Variants in KLHL28 observed in about 807,000 individuals in gnomAD.
The protein encoded by KLHL28 is kelch-like protein 28.
KLHL28 carries 22 observed loss-of-function variants against 48.3 expected under a neutral mutation model. That is an observed-to-expected ratio of 0.46 (90% confidence interval 0.33 to 0.65). KLHL28 has a LOEUF of 0.65. KLHL28 is among the 30% of genes least tolerant of loss of function. KLHL28 has a pLI of 0.03. For missense variants in KLHL28, 527 were observed against 704.3 expected (o/e 0.75, Z 2.85); for synonymous variants, 243 against 242.4 (o/e 1.00, Z -0.02).
chr14:44,931,504 T>C lies in KLHL28; in HGVS notation c.1381A>G (p.Met461Val). 2 of 1,613,942 alleles carry C rather than the reference T, an allele frequency of 1.2e-6. No homozygotes were observed. Among genetic ancestry groups the C allele is most frequent in the South Asian group, 2.2e-5 (2 of 91,076 alleles). The change falls in exon 4 of 5, where the codon ATG (methionine) becomes GTG (valine). Residue 461 changes from methionine to valine, a missense_variant. Met to Val is a conservative substitution (Grantham distance 21). Transcript: ENST00000396128. ...CTTTTATCTGCCATGGATGCAACCA[T>C]CTCCCAGGAGTCCTTACTTGGATCA... ...RYDPSKDSWEMVASMADKRIH... is the reference protein window; with the variant it reads ...RYDPSKDSWEVVASMADKRIH...
At chr14:44,959,854 A>G (rs116898698) in intron 1 of KLHL28, among the ~76,000 whole-genome samples, 1 of 152,132 alleles carries the variant, frequency 6.6e-6, no homozygotes, top group African/African-American at 2.4e-5. Context: ...TACTCTCTCT[A>G]TATATGATTA....
intron 1 of KLHL28, among the ~76,000 whole-genome samples, chr14:44,951,925 G>A (rs982107510): frequency 1.3e-5 from 2 of 152,050 alleles, no homozygotes; most frequent in Non-Finnish European, 2.9e-5. Flanking sequence ...CGAGATCTTA[G>A]CTTACTCACT....
At chr14:44,956,758 C>G (rs1040623946) in intron 1 of KLHL28, among the ~76,000 whole-genome samples, 15 of 152,166 alleles carry the variant, frequency 9.9e-5, no homozygotes, top group Admixed American at 7.2e-4. Context: ...TACACACTGA[C>G]TGGATTATTA....
intron 3 of KLHL28, among the ~76,000 whole-genome samples, 165 bp downstream of exon 3, chr14:44,933,950 A>G (rs1340011429): frequency 6.6e-6 from 1 of 152,244 alleles, no homozygotes; most frequent in Non-Finnish European, 1.5e-5. Flanking sequence ...GGTTTGTATT[A>G]AATTCCCATG....
chr14:44,944,277 A>AC (rs1043516742), intron 2 of KLHL28, among the ~76,000 whole-genome samples: 1 of 152,236 alleles, frequency 6.6e-6, no homozygotes, highest in African/African-American at 2.4e-5. Context: ...AATTTAGCCC[A>AC]CTAGCTATTT....
At chr14:44,952,380 G>A (rs150924609) in intron 1 of KLHL28, among the ~76,000 whole-genome samples, 52 of 152,254 alleles carry the variant, frequency 3.4e-4, no homozygotes, top group Non-Finnish European at 5.6e-4. Context: ...AACTACATAG[G>A]GCAGTGGGGT....
chr14:44,925,162 G>C lies in KLHL28; in HGVS notation c.*3866C>G, dbSNP rs1321772335. On this transcript the variant is annotated 3_prime_UTR_variant, in exon 5 of 5. Transcript: ENST00000396128. ...ATTCCTTAACTTTTAGACTACAGAGGTTATGAGGTTATCACAAGTTTACTG... is the reference window on the plus strand; with the variant it reads ...ATTCCTTAACTTTTAGACTACAGAGCTTATGAGGTTATCACAAGTTTACTG... 6.6e-6 allele frequency: 1 copy of C among 152,246 alleles called. No homozygotes were observed. Among genetic ancestry groups the C allele is most frequent in the Non-Finnish European group, 1.5e-5 (1 of 67,978 alleles). 9.4% of individuals were successfully genotyped at this position (152,246 alleles called of 1,614,324 possible).
intron 3 of KLHL28, among the ~76,000 whole-genome samples, chr14:44,933,334 A>G (rs1228607865): frequency 6.7e-6 from 1 of 148,158 alleles, no homozygotes; most frequent in Non-Finnish European, 1.5e-5. Flanking sequence ...TTTTTGAGAC[A>G]GGGTCTCACT....
chr14:44,931,494 G>A lies in KLHL28; in HGVS notation c.1391C>T (p.Ser464Phe). Residue 464 changes from serine (S) to phenylalanine (F), a missense_variant, in exon 4 of 5, where the codon TCC becomes TTC. Ser to Phe is a radical substitution (Grantham distance 155). Transcript: ENST00000396128. ...PSKDSWEMVASMADKRIHFGV... is the reference protein window; with the variant it reads ...PSKDSWEMVAFMADKRIHFGV... ...AAAGTGAATCCTTTTATCTGCCATG[G>A]ATGCAACCATCTCCCAGGAGTCCTT... 6.2e-7 allele frequency: 1 copy of A among 1,613,908 alleles called. No individual in the cohort carries two copies. The highest frequency in any genetic ancestry group is 8.5e-7 in the Non-Finnish European group (1 of 1,179,972).
chr14:44,936,742 G>C (rs1244711445), intron 2 of KLHL28, among the ~76,000 whole-genome samples: 1 of 152,200 alleles, frequency 6.6e-6, no homozygotes, highest in Non-Finnish European at 1.5e-5. Flanking sequence ...AACTAGATGA[G>C]TATGACGGAG....
chr14:44,961,518 G>C (rs547385341), intron 1 of KLHL28: 1 of 152,176 alleles, frequency 6.6e-6, no homozygotes, highest in African/African-American at 2.4e-5. Flanking sequence ...CTCTGCGGCC[G>C]GAGGGTTAAG....
intron 1 of KLHL28, among the ~76,000 whole-genome samples, chr14:44,954,114 A>G (rs1357704149): frequency 6.6e-6 from 1 of 152,222 alleles, no homozygotes; most frequent in African/African-American, 2.4e-5. Context: ...GGAGTTAACA[A>G]TTCTCTCTTG....
rs930336344 is a variant in KLHL28, at chr14:44,945,390, T to C, written c.539A>G (p.Asp180Gly). Residue 180 changes from aspartate to glycine, a missense_variant, in exon 2 of 5, where the codon GAC becomes GGC. By Grantham distance (94) the Asp-to-Gly change is moderately conservative (BLOSUM62 -1). Transcript: ENST00000396128. ...GTCATTGGAAACAATTTCATCCAAG[T>C]CAGCATGTGTAAGCTCAAAAAACTC... is the stretch of plus-strand genomic sequence containing the variant. ...TEEFFELTHA[D>G]LDEIVSNDCL... 4.3e-6 allele frequency: 7 copies of C among 1,614,198 alleles called. No individual in the cohort carries two copies. The highest frequency in any genetic ancestry group is 1.1e-5 in the South Asian group (1 of 91,082).
chr14:44,960,843 T>C (rs1301967854), intron 1 of KLHL28: 2 of 1,107,368 alleles, frequency 1.8e-6, no homozygotes, highest in East Asian at 2.7e-5. Context: ...CATATGTGAC[T>C]CATTTATTCC....
chr14:44,944,879 CGTAA>C, intron 2 of KLHL28, 147 bp downstream of exon 2: 1 of 568,988 alleles, frequency 1.8e-6, no homozygotes, highest in South Asian at 3.0e-5. Flanking sequence ...AAAACAATCA[CGTAA>C]GTATTTTAGG....
chr14:44,942,383 A>G (rs1003977780), intron 2 of KLHL28, among the ~76,000 whole-genome samples: 1 of 152,160 alleles, frequency 6.6e-6, no homozygotes, highest in Non-Finnish European at 1.5e-5. Context: ...TCTCTTGCCT[A>G]TATTAGATAA....
intron 1 of KLHL28, among the ~76,000 whole-genome samples, chr14:44,954,859 A>G (rs1884729299): frequency 6.6e-6 from 1 of 152,232 alleles, no homozygotes; most frequent in Admixed American, 6.5e-5. Flanking sequence ...TGAAAATACA[A>G]AGGAAGAAAA....
At chr14:44,950,026 A>C (rs1350833458) in intron 1 of KLHL28, among the ~76,000 whole-genome samples, 1 of 152,092 alleles carries the variant, frequency 6.6e-6, no homozygotes, top group African/African-American at 2.4e-5. Context: ...TCTTACAGGT[A>C]ATGGAACAGA....
intron 1 of KLHL28, among the ~76,000 whole-genome samples, chr14:44,959,752 T>A (rs563817302): frequency 2.0e-5 from 3 of 152,268 alleles, no homozygotes; most frequent in African/African-American, 7.2e-5. Context: ...TTTCAATGTA[T>A]CCTTAACCAC....
Sources: gnomAD v4.1 joint callset for allele counts (sites outside exome capture counted in the v4.1 genomes callset) on GRCh38, gnomAD v4.1.1 for gene constraint, MANE v1.5 for transcripts, NCBI Gene and HGNC (gene_info 2026-07-23, HGNC 2026-07-21) for gene names.